Variants in SNTG1 observed in about 807,000 individuals in gnomAD.
SNTG1 encodes gamma-1-syntrophin.
A neutral mutation model predicts 74.7 loss-of-function variants in SNTG1; 39 were observed. The observed-to-expected ratio is 0.52, with a 90% CI of 0.40 to 0.68. SNTG1 has a LOEUF of 0.68. Ranked by LOEUF, SNTG1 falls within the 30% of genes least tolerant of loss-of-function variation. The pLI is 0.00. For synonymous variants in SNTG1, 254 were observed against 217.1 expected (o/e 1.17, Z -1.49); for missense variants, 685 against 609.5 (o/e 1.12, Z -1.30).
At chr8:49,978,229 G>A (rs1812363364) in intron 1 of SNTG1, among the ~76,000 whole-genome samples, 1 of 152,002 alleles carries the variant, frequency 6.6e-6, no homozygotes, top group South Asian at 2.1e-4. Context: ...CTGAAATAGA[G>A]AGAGCGGGGG....
chr8:50,097,578 G>A lies in SNTG1; in HGVS notation c.-102-74983G>A, dbSNP rs538598727. Among the ~76,000 whole-genome samples, 20 of 151,914 alleles carry A rather than the reference G, an allele frequency of 1.3e-4. 2 individuals are homozygous for A. Among genetic ancestry groups the A allele is most frequent in the African/African-American group, 4.6e-4 (19 of 41,460 alleles). On this transcript the variant is annotated intron_variant, in intron 1 of 18. Coordinates refer to ENST00000642720, the MANE Select transcript of SNTG1 (RefSeq NM_018967.5). ...GAGGCAGGAGAATGGTGTGAACCCG[G>A]AAGGCGGAGCTTGCAGTGAGCGGAG...
chr8:50,455,657 T>C (rs2093498267), intron 8 of SNTG1, among the ~76,000 whole-genome samples: 2 of 152,234 alleles, frequency 1.3e-5, no homozygotes, highest in Non-Finnish European at 2.9e-5. Flanking sequence ...TCTTTTTTAC[T>C]TTAGATTAAT....
At chr8:50,182,273 T>A (rs2083233492) in intron 2 of SNTG1, among the ~76,000 whole-genome samples, 1 of 152,172 alleles carries the variant, frequency 6.6e-6, no homozygotes, top group Non-Finnish European at 1.5e-5. Flanking sequence ...AGCTTTGATA[T>A]AGATATGGTG....
At chr8:49,918,516 C>G (rs1408050668) in intron 1 of SNTG1, among the ~76,000 whole-genome samples, 1 of 152,124 alleles carries the variant, frequency 6.6e-6, no homozygotes, top group East Asian at 1.9e-4. Context: ...TGTGTAAAAA[C>G]AGATAATTTC....
At chr8:50,140,739 A>T (rs188379676) in intron 1 of SNTG1, among the ~76,000 whole-genome samples, 5 of 152,136 alleles carry the variant, frequency 3.3e-5, no homozygotes, top group Admixed American at 3.3e-4. Flanking sequence ...CATTAAGTTC[A>T]TATTTTGACA....
rs2093576027 is a variant in SNTG1, at chr8:50,462,794, C to CTTTTTTTTTTTT, written c.363+12066_363+12067insTTTTTTTTTTTT. Among the ~76,000 whole-genome samples, 20 of 43,626 alleles carry CTTTTTTTTTTTT rather than the reference C, an allele frequency of 4.6e-4. 9 individuals carry two copies. The highest frequency in any genetic ancestry group is 4.7e-4 in the Non-Finnish European group (10 of 21,432). The allele number at this position is 43,626 out of a possible 152,430, so 28.6% of individuals were successfully genotyped here. ...AACTCAGTCGCATCTTCAGGTTCTACTCTTTTTTTTTTTTTTTTTTTTTTT... is the reference window on the plus strand; with the variant it reads ...AACTCAGTCGCATCTTCAGGTTCTACTTTTTTTTTTTTTCTTTTTTTTTTTTTTTTTTTTTTT... On this transcript the variant is annotated intron_variant, in intron 8 of 18. Transcript: ENST00000642720.
At chr8:50,207,546 T>A (rs931240230) in intron 2 of SNTG1, among the ~76,000 whole-genome samples, 51 of 152,222 alleles carry the variant, frequency 3.4e-4, no homozygotes, top group African/African-American at 1.2e-3. Context: ...TTTGAAGGGT[T>A]TTTTTGTGTC....
chr8:49,913,476 G>A (rs1805754452), intron 1 of SNTG1, among the ~76,000 whole-genome samples: 1 of 152,182 alleles, frequency 6.6e-6, no homozygotes, highest in Admixed American at 6.5e-5. Context: ...TATGTTGGCT[G>A]AGTGTAGCAA....
intron 1 of SNTG1, among the ~76,000 whole-genome samples, chr8:49,984,103 G>T (rs1040572910): frequency 1.3e-5 from 2 of 152,028 alleles, no homozygotes; most frequent in African/African-American, 4.8e-5. Context: ...CAAACATTTG[G>T]CATTATAGTT....
chr8:50,035,503 G>A (rs1013235413), intron 1 of SNTG1, among the ~76,000 whole-genome samples: 1 of 152,168 alleles, frequency 6.6e-6, no homozygotes, highest in African/African-American at 2.4e-5. Flanking sequence ...GAGCAAAAAT[G>A]TGAAGATTTT....
intron 1 of SNTG1, among the ~76,000 whole-genome samples, chr8:50,056,013 C>G (rs1819994737): frequency 6.6e-6 from 1 of 151,968 alleles, no homozygotes; most frequent in Non-Finnish European, 1.5e-5. Flanking sequence ...GGAAGCAGTT[C>G]CAAACGGAGG....
At chr8:50,443,791 G>A (rs1379206000) in intron 5 of SNTG1, among the ~76,000 whole-genome samples, 4 of 152,076 alleles carry the variant, frequency 2.6e-5, no homozygotes, top group Non-Finnish European at 5.9e-5. Flanking sequence ...TCTACTCAGG[G>A]ACATAGATCA....
At chr8:50,130,464 T>C (rs2081282117) in intron 1 of SNTG1, among the ~76,000 whole-genome samples, 1 of 152,078 alleles carries the variant, frequency 6.6e-6, no homozygotes, top group African/African-American at 2.4e-5. Flanking sequence ...AAAGGGAAAT[T>C]GAAAAGTGTT....
At chr8:50,093,899 A>T (rs1053580493) in intron 1 of SNTG1, among the ~76,000 whole-genome samples, 1 of 152,202 alleles carries the variant, frequency 6.6e-6, no homozygotes, top group Non-Finnish European at 1.5e-5. Flanking sequence ...TAGCAGATTC[A>T]AATAAAACTG....
chr8:50,765,655 A>G (rs1320019354), intron 18 of SNTG1, among the ~76,000 whole-genome samples: 1 of 151,970 alleles, frequency 6.6e-6, no homozygotes, highest in Non-Finnish European at 1.5e-5. Context: ...TAAAAGAAAA[A>G]TTATTTGACT....
At chr8:49,936,401 A>T (rs890616979) in intron 1 of SNTG1, among the ~76,000 whole-genome samples, 1 of 152,174 alleles carries the variant, frequency 6.6e-6, no homozygotes, top group East Asian at 1.9e-4. Context: ...AGGGAATCTG[A>T]ATATAAACAA....
chr8:50,186,669 C>CT (rs568065188), intron 2 of SNTG1, among the ~76,000 whole-genome samples: 29 of 150,978 alleles, frequency 1.9e-4, no homozygotes, highest in African/African-American at 4.4e-4. Flanking sequence ...GCATAAATGT[C>CT]TTTTTTTTTG....
chr8:50,295,118 A>G (rs756196539), intron 2 of SNTG1, among the ~76,000 whole-genome samples: 15 of 152,246 alleles, frequency 9.9e-5, no homozygotes, highest in Non-Finnish European at 2.1e-4. Context: ...TACCTCCAAG[A>G]CATTTTGCAA....
chr8:50,174,305 C>A (rs755166227), intron 2 of SNTG1, among the ~76,000 whole-genome samples: 11 of 152,144 alleles, frequency 7.2e-5, no homozygotes, highest in Non-Finnish European at 1.5e-4. Context: ...CATACGTGGG[C>A]ATGTGTCTTT....
Sources: allele counts gnomAD v4.1 joint callset (sites outside exome capture counted in the v4.1 genomes callset), GRCh38; gene constraint gnomAD v4.1.1; transcripts MANE v1.5; gene names NCBI Gene and HGNC (gene_info 2026-07-23, HGNC 2026-07-21).